The following GIMAP5 variants were observed in gnomAD, a reference collection of about 807,000 sequenced individuals.
The protein encoded by GIMAP5 is GTPase IMAP family member 5.
Under a neutral mutation model 9.9 loss-of-function variants are expected in GIMAP5, and 8 were observed. The ratio of observed to expected loss-of-function variants is 0.81; its 90% CI spans 0.47 to 1.45. The LOEUF is 1.45. Ranked by LOEUF, GIMAP5 falls within the 40% of genes most tolerant of loss-of-function variation. The probability of loss-of-function intolerance (pLI) is 0.00; values close to 1 mark genes in which losing one functional copy is unlikely to be tolerated. For missense variants in GIMAP5, 353 were observed against 367.4 expected (o/e 0.96, Z 0.32); for synonymous variants, 174 against 151.4 (o/e 1.15, Z -1.09).
chr7:150,740,843 C>T, intron 1 of GIMAP5, 36 bp from the exon 2 acceptor site: 3 of 1,611,126 alleles, frequency 1.9e-6, no homozygotes, highest in Non-Finnish European at 2.5e-6. Flanking sequence ...CCCAAACGTA[C>T]ATCTGCTTTT....
Position 150,737,611 on chromosome 7 carries a change from G to A in GIMAP5, c.-104G>A, listed in dbSNP as rs2116570799. The A allele has an allele frequency of 6.5e-7, 1 of 1,535,624 alleles. No homozygotes were observed. Among genetic ancestry groups the A allele is most frequent in the African/African-American group, 1.4e-5 (1 of 73,140 alleles). ...ATCCCCGCACACAGACGCAGAGCAG[G>A]ACTCTCTCTGCTGCCACTTCACCTT... is the stretch of plus-strand genomic sequence containing the variant. On this transcript the variant is annotated 5_prime_UTR_variant, in exon 1 of 3. Coordinates refer to ENST00000358647, the MANE Select transcript of GIMAP5 (RefSeq NM_018384.5).
intron 2 of GIMAP5, among the ~76,000 whole-genome samples, chr7:150,741,248 G>T (rs1468324857): frequency 2.0e-5 from 3 of 151,950 alleles, no homozygotes; most frequent in Non-Finnish European, 4.4e-5. Context: ...AAAAGAAAAG[G>T]TCCCCATAGG....
chr7:150,742,580 C>T lies in GIMAP5; in HGVS notation c.441C>T (p.Val147=). The T allele has an allele frequency of 6.2e-7, 1 of 1,614,202 alleles. No homozygotes were observed. Among genetic ancestry groups the T allele is most frequent in the Non-Finnish European group, 8.5e-7 (1 of 1,180,032 alleles). The stretch of plus-strand genomic sequence containing the variant: ...GGACAGGGGCCATGAGACATGTGGT[C>T]ATCCTCTTCACCCACAAAGAGGACT... ...VFGTGAMRHV[V]ILFTHKEDLG... The change falls in exon 3 of 3, where the codon GTC becomes GTT. Residue 147 remains valine, a synonymous_variant. Coordinates refer to ENST00000358647, the MANE Select transcript of GIMAP5 (RefSeq NM_018384.5).
In GIMAP5 at chr7:150,742,508, C is replaced by T; in HGVS notation, c.369C>T (p.Phe123=). The T allele has an allele frequency of 1.2e-6, 2 of 1,614,200 alleles. No individual in the cohort carries two copies. The highest frequency in any genetic ancestry group is 1.7e-6 in the Non-Finnish European group (2 of 1,180,018). ...VLLLVIQLGR[F]TAQDTVAIRK... ...TTCTGGTGATCCAGCTGGGGCGTTT[C>T]ACTGCTCAGGACACAGTGGCCATCA... The change falls in exon 3 of 3, where the codon TTC becomes TTT. Residue 123 remains phenylalanine (F), a synonymous_variant. Coordinates refer to ENST00000358647, the MANE Select transcript of GIMAP5 (RefSeq NM_018384.5).
At chr7:150,742,072 T>C in intron 2 of GIMAP5, 111 bp from the exon 3 acceptor site, 1 of 1,274,170 alleles carries the variant, frequency 7.8e-7, no homozygotes, top group Non-Finnish European at 1.1e-6. Context: ...CATAAATATG[T>C]CTGTCATTCT....
chr7:150,740,797 A>T, intron 1 of GIMAP5, 82 bp from the exon 2 acceptor site: 1 of 1,291,892 alleles, frequency 7.7e-7, no homozygotes, highest in Non-Finnish European at 1.1e-6. Context: ...TTATTCTTAG[A>T]TGTCTGAATT....
Position 150,743,011 on chromosome 7 carries a change from T to C in GIMAP5, c.872T>C (p.Leu291Ser). ...LHYEIFVFLL[L>S]CSILFFIIFL... ...TATGAGATTTTTGTTTTTCTATTGT[T>C]GTGCAGCATACTTTTTTTCATTATT... The change falls in exon 3 of 3, where the codon TTG becomes TCG. Residue 291 changes from leucine to serine, a missense_variant. Coordinates refer to ENST00000358647, the MANE Select transcript of GIMAP5 (RefSeq NM_018384.5). The C allele has an allele frequency of 2.5e-6, 4 of 1,613,092 alleles. No individual in the cohort carries two copies. The highest frequency in any genetic ancestry group is 3.4e-6 in the Non-Finnish European group (4 of 1,179,280).
At position 150,742,406 on chromosome 7, in the gene GIMAP5, A is replaced by T; in HGVS notation, c.267A>T (p.Ser89=). The T allele has an allele frequency of 6.2e-7, 1 of 1,614,136 alleles. No homozygotes were observed. The highest frequency in any genetic ancestry group is 8.5e-7 in the Non-Finnish European group (1 of 1,179,986). ...TTGACACGCCCTCCATCTTTGAGTC[A>T]CAGGCCGATACCCAAGAGCTGTACA... is the stretch of plus-strand genomic sequence containing the variant. ...LVVDTPSIFE[S]QADTQELYKN... is the part of the protein sequence containing the mutation. The change falls in exon 3 of 3, where the codon TCA becomes TCT. Residue 89 remains serine (S), a synonymous_variant. Transcript: ENST00000358647.
chr7:150,743,086 C>T lies in GIMAP5; in HGVS notation c.*23C>T, dbSNP rs181721847. 7 of 1,588,146 alleles carry T rather than the reference C, an allele frequency of 4.4e-6. No homozygotes were observed. In the East Asian group the frequency reaches 1.1e-4, roughly 25 times the overall value. ...TAAATCTCTGGACCCTGGAGCACTT[C>T]TAATGTATCACCCCATGGAGTCATT... is the stretch of plus-strand genomic sequence containing the variant. On this transcript the variant is annotated 3_prime_UTR_variant, in exon 3 of 3. Coordinates refer to ENST00000358647, the MANE Select transcript of GIMAP5 (RefSeq NM_018384.5).
At position 150,737,432 on chromosome 7, in the gene GIMAP5, C is replaced by G. The variant is rs747861231; in HGVS notation, c.-283C>G. On this transcript the variant is annotated 5_prime_UTR_variant, in exon 1 of 3. Coordinates refer to ENST00000358647, the MANE Select transcript of GIMAP5 (RefSeq NM_018384.5). ...GTCTTGTTCCCAATCAGTTTCCAGCCAACACCAGGGTGTCCTAGTCCGCAG... is the reference window on the plus strand; with the variant it reads ...GTCTTGTTCCCAATCAGTTTCCAGCGAACACCAGGGTGTCCTAGTCCGCAG... 1 of 1,217,412 alleles carries G rather than the reference C, an allele frequency of 8.2e-7. No homozygotes were observed. Among genetic ancestry groups the G allele is most frequent in the Admixed American group, 2.0e-5 (1 of 49,358 alleles). 75.4% of individuals were successfully genotyped at this position (1,217,412 alleles called of 1,614,324 possible). A position where few individuals can be genotyped will look rare whatever the true frequency, so the allele number is the denominator to read the frequency against.
intron 1 of GIMAP5, 116 bp from the exon 2 acceptor site, chr7:150,740,763 T>G: frequency 1.0e-6 from 1 of 963,002 alleles, no homozygotes. Flanking sequence ...AAATTAGGGA[T>G]GGAAATGGCT....
chr7:150,743,110 T>C lies in GIMAP5; in HGVS notation c.*47T>C, dbSNP rs780534689. 9.7e-6 allele frequency: 15 copies of C among 1,553,088 alleles called. No individual in the cohort carries two copies. In the African/African-American group the frequency reaches 1.9e-4, roughly 20 times the overall value. ...TCTAATGTATCACCCCATGGAGTCATTGTTCTAATAATCACCAATTCAGAC... is the reference window on the plus strand; with the variant it reads ...TCTAATGTATCACCCCATGGAGTCACTGTTCTAATAATCACCAATTCAGAC... On this transcript the variant is annotated 3_prime_UTR_variant, in exon 3 of 3. Transcript: ENST00000358647.
chr7:150,742,179 A>G lies in GIMAP5; in HGVS notation c.44-4A>G, dbSNP rs1478610643. On this transcript the variant is annotated splice_polypyrimidine_tract_variant and splice_region_variant and intron_variant, in intron 2 of 2. Transcript: ENST00000358647. ...AGTAAGATACAAAACTTCGTTTTCTACAGGTAGATCAGAAGATAACTTGTC... is the reference window on the plus strand; with the variant it reads ...AGTAAGATACAAAACTTCGTTTTCTGCAGGTAGATCAGAAGATAACTTGTC... 1.2e-6 allele frequency: 2 copies of G among 1,611,176 alleles called. No individual in the cohort carries two copies. Among genetic ancestry groups the G allele is most frequent in the Admixed American group, 3.3e-5 (2 of 59,862 alleles).
chr7:150,742,875 C>G lies in GIMAP5; in HGVS notation c.736C>G (p.Gln246Glu). The G allele has an allele frequency of 6.2e-7, 1 of 1,614,128 alleles. No homozygotes were observed. The highest frequency in any genetic ancestry group is 8.5e-7 in the Non-Finnish European group (1 of 1,180,024). Residue 246 changes from glutamine to glutamate, a missense_variant, in exon 3 of 3, where the codon CAG becomes GAG. Physicochemically the swap from Gln to Glu is conservative, Grantham distance 29 (BLOSUM62 2). Coordinates refer to ENST00000358647, the MANE Select transcript of GIMAP5 (RefSeq NM_018384.5). Reference sequence around the variant, plus strand: ...CTGCCAGGAAGACTACAGGCAGTACCAGGCCAAAGTGGAATGGCAGGTGGA... The same window carrying G: ...CTGCCAGGAAGACTACAGGCAGTACGAGGCCAAAGTGGAATGGCAGGTGGA... ...GACQEDYRQY[Q>E]AKVEWQVEKH...
At position 150,742,303 on chromosome 7, in the gene GIMAP5, C is replaced by G. The variant is rs1264692954; in HGVS notation, c.164C>G (p.Ser55Cys). The change falls in exon 3 of 3, where the codon TCC becomes TGC. Residue 55 changes from serine to cysteine, a missense_variant. Coordinates refer to ENST00000358647, the MANE Select transcript of GIMAP5 (RefSeq NM_018384.5). ...NSILGQPVFE[S>C]KLRAQSVTRT... ...ATCCTTGGCCAGCCCGTGTTTGAGT[C>G]CAAGCTGAGGGCCCAGTCAGTGACC... The G allele has an allele frequency of 6.2e-7, 1 of 1,614,158 alleles. No individual in the cohort carries two copies. Among genetic ancestry groups the G allele is most frequent in the Non-Finnish European group, 8.5e-7 (1 of 1,180,020 alleles).
At chr7:150,739,502 G>A (rs1797563863) in intron 1 of GIMAP5, 1 of 152,180 alleles carries the variant, frequency 6.6e-6, no homozygotes, top group Non-Finnish European at 1.5e-5. Flanking sequence ...CAATTATGAT[G>A]TTCATAATCA....
At position 150,742,929 on chromosome 7, in the gene GIMAP5, G is replaced by T; in HGVS notation, c.790G>T (p.Glu264Ter). 1 of 1,614,228 alleles carries T rather than the reference G, an allele frequency of 6.2e-7. No homozygotes were observed. Among genetic ancestry groups the T allele is most frequent in the Non-Finnish European group, 8.5e-7 (1 of 1,180,046 alleles). ...GCACAAGCAAGAGCTGAGGGAGAAC[G>T]AGAGTAACTGGGCATACAAGGCGCT... ...EKHKQELRENESNWAYKALLR... is the reference protein window; with the variant it reads ...EKHKQELREN Residue 264 changes from glutamate to a stop codon, truncating the protein, a stop_gained, in exon 3 of 3, where the codon GAG becomes TAG. Coordinates refer to ENST00000358647, the MANE Select transcript of GIMAP5 (RefSeq NM_018384.5). LOFTEE classifies it low-confidence loss of function (END_TRUNC).
rs547996642 is a variant in GIMAP5, at chr7:150,737,831, A to G, written c.-7+123A>G. ...CCCCTCACTTCTGGGTTCGCTGGTCAGTAAAACGGGGCAATGGTGATGAGT... is the reference window on the plus strand; with the variant it reads ...CCCCTCACTTCTGGGTTCGCTGGTCGGTAAAACGGGGCAATGGTGATGAGT... On this transcript the variant is annotated intron_variant, in intron 1 of 2. Transcript: ENST00000358647. 1.8e-5 allele frequency: 14 copies of G among 770,774 alleles called. No homozygotes were observed. The South Asian group carries it at 2.1e-4, about 11-fold the overall frequency. 47.7% of individuals were successfully genotyped at this position (770,774 alleles called of 1,614,324 possible). A position where few individuals can be genotyped will look rare whatever the true frequency, so the allele number is the denominator to read the frequency against.
chr7:150,739,500 A>G (rs1797563806), intron 1 of GIMAP5: 1 of 152,264 alleles, frequency 6.6e-6, no homozygotes, highest in Admixed American at 6.5e-5. Flanking sequence ...TACAATTATG[A>G]TGTTCATAAT....
Sources: gnomAD v4.1 joint callset for allele counts (sites outside exome capture counted in the v4.1 genomes callset) on GRCh38, gnomAD v4.1.1 for gene constraint, MANE v1.5 for transcripts, NCBI Gene and HGNC (gene_info 2026-07-23, HGNC 2026-07-21) for gene names.